Variants in RIC1 observed in about 807,000 individuals in gnomAD.
RIC1 encodes the protein guanine nucleotide exchange factor subunit RIC1.
RIC1 carries 88 observed loss-of-function variants against 169.0 expected under a neutral mutation model. That is an observed-to-expected ratio of 0.52 (90% CI 0.44 to 0.62). The LOEUF is 0.62. Ranked by LOEUF, RIC1 falls within the 20% of genes least tolerant of loss-of-function variation. RIC1 has a pLI of 0.00. For synonymous variants in RIC1, 790 were observed against 601.5 expected, an observed-to-expected ratio of 1.31 and a Z score of -4.59; for missense variants, 1,877 against 1,725.5, an observed-to-expected ratio of 1.09 and a Z score of -1.56.
At position 5,756,218 on chromosome 9, in the gene RIC1, G is replaced by C; in HGVS notation, c.1699G>C (p.Val567Leu). ...TCATTTTTGTTTTCTTCAGCTTAGA[G>C]TATACTTGCGAACATCAAATCTGGA... is the stretch of plus-strand genomic sequence containing the variant. Reference protein sequence around the residue: ...NINDRQEELRVYLRTSNLDNA... With the variant: ...NINDRQEELRLYLRTSNLDNA... Residue 567 changes from valine to leucine, a missense_variant, in exon 16 of 26, where the codon GTA becomes CTA. Physicochemically the swap from Val to Leu is conservative, Grantham distance 32. Around this residue, in one of 3 missense-constraint regions of RIC1, gnomAD observed 1,104 missense variants for 992.0 expected, o/e 1.11. Transcript: ENST00000414202. The C allele has an allele frequency of 1.9e-6, 3 of 1,563,412 alleles. No homozygotes were observed. Among genetic ancestry groups the C allele is most frequent in the Non-Finnish European group, 2.6e-6 (3 of 1,149,426 alleles).
intron 3 of RIC1, among the ~76,000 whole-genome samples, chr9:5,699,924 C>G (rs999502960): frequency 3.3e-5 from 5 of 152,040 alleles, no homozygotes; most frequent in African/African-American, 4.8e-5. Flanking sequence ...ATGTGTAAAC[C>G]TCTTGGCTTT....
At chr9:5,718,109 C>T (rs569288243) in intron 4 of RIC1, among the ~76,000 whole-genome samples, 32 of 112,544 alleles carry the variant, frequency 2.8e-4, no homozygotes, top group Middle Eastern at 0.01. Context: ...CACTGCACTC[C>T]AGCTTGGGCA....
intron 1 of RIC1, among the ~76,000 whole-genome samples, chr9:5,650,082 C>G (rs1818718341): frequency 1.3e-5 from 2 of 152,146 alleles, no homozygotes; most frequent in Non-Finnish European, 2.9e-5. Context: ...CAGCAGCAGA[C>G]TGTGTGCCTG....
chr9:5,757,314 C>T lies in RIC1; in HGVS notation c.1855C>T (p.Pro619Ser). 6.2e-7 allele frequency: 1 copy of T among 1,613,816 alleles called. No homozygotes were observed. Residue 619 changes from proline to serine, a missense_variant and splice_region_variant, in exon 17 of 26, where the codon CCA becomes TCA. By Grantham distance (74) the Pro-to-Ser change is moderately conservative. Coordinates refer to ENST00000414202, the MANE Select transcript of RIC1 (RefSeq NM_020829.4). ...TGTGGGTTTCTTTTGTTTTTACAGT[C>T]CAAATACTACTGCTGGTATTCAAGT... Reference protein sequence around the residue: ...LYSIERKSDGPNTTAGIQVLQ... With the variant: ...LYSIERKSDGSNTTAGIQVLQ...
intron 3 of RIC1, among the ~76,000 whole-genome samples, chr9:5,695,571 CTTT>C (rs539521445): frequency 5.4e-4 from 70 of 128,708 alleles, no homozygotes; most frequent in South Asian, 1.6e-3. Context: ...ATTATTATAT[CTTT>C]TTTTTTTTTT....
rs752907181 is a variant in RIC1 at position 5,772,924 on chromosome 9, G to A, written c.3827G>A (p.Cys1276Tyr). The change falls in exon 25 of 26, where the codon TGC (cysteine) becomes TAC (tyrosine). Residue 1276 changes from cysteine to tyrosine, a missense_variant. Physicochemically the swap from Cys to Tyr is radical, Grantham distance 194. Coordinates refer to ENST00000414202, the MANE Select transcript of RIC1 (RefSeq NM_020829.4). ...CTACACATTTTCATGGAGGCAGGGT[G>A]CCTAGACTGGTGCATCGTTATAGGC... ...YLLHIFMEAG[C>Y]LDWCIVIGLI... 5.6e-6 allele frequency: 9 copies of A among 1,613,468 alleles called. No homozygotes were observed. The highest frequency in any genetic ancestry group is 1.7e-4 in the Middle Eastern group (1 of 6,058).
intron 1 of RIC1, among the ~76,000 whole-genome samples, chr9:5,646,683 G>A (rs1302118774): frequency 6.6e-6 from 1 of 152,092 alleles, no homozygotes; most frequent in Non-Finnish European, 1.5e-5. Context: ...TGACAAAATT[G>A]CCTAGTGATG....
At chr9:5,696,911 T>C (rs1821938238) in intron 3 of RIC1, among the ~76,000 whole-genome samples, 1 of 152,210 alleles carries the variant, frequency 6.6e-6, no homozygotes, top group African/African-American at 2.4e-5. Flanking sequence ...GTATGTCTTT[T>C]AGGATGGATT....
chr9:5,681,376 T>C (rs930955923), intron 2 of RIC1, among the ~76,000 whole-genome samples: 7 of 152,214 alleles, frequency 4.6e-5, no homozygotes, highest in African/African-American at 1.7e-4. Context: ...TTGTTCTCGT[T>C]GGTTTCAAAG....
intron 6 of RIC1, among the ~76,000 whole-genome samples, chr9:5,731,312 C>G (rs559328426): frequency 1.3e-5 from 2 of 152,020 alleles, no homozygotes; most frequent in Non-Finnish European, 2.9e-5. Context: ...AAATAATGCT[C>G]ACTGCTGTCT....
At chr9:5,705,712 C>T (rs1822545770) in intron 3 of RIC1, among the ~76,000 whole-genome samples, 2 of 152,242 alleles carry the variant, frequency 1.3e-5, no homozygotes, top group Admixed American at 6.5e-5. Flanking sequence ...CATGCATGAT[C>T]GTAGCGGGAA....
At chr9:5,749,530 A>T (rs1825596494) in intron 12 of RIC1, among the ~76,000 whole-genome samples, 1 of 152,078 alleles carries the variant, frequency 6.6e-6, no homozygotes, top group Non-Finnish European at 1.5e-5. Context: ...TGCGTGATTT[A>T]TTCGTTGTAT....
intron 2 of RIC1, among the ~76,000 whole-genome samples, chr9:5,659,854 A>G (rs1051321823): frequency 1.3e-5 from 2 of 152,162 alleles, no homozygotes; most frequent in African/African-American, 4.8e-5. Flanking sequence ...TTTCCAACTT[A>G]ACTTCAGGGT....
Position 5,763,081 on chromosome 9 carries a change from A to T in RIC1, c.2113-59A>T. On this transcript the variant is annotated intron_variant, in intron 18 of 25. Transcript: ENST00000414202. This position sits in a 1 kb window ranked among gnomAD's most constrained non-coding sequence, Gnocchi z 5.2. The stretch of plus-strand genomic sequence containing the variant: ...AGACTTAGTAAACTAGTACCTAGGA[A>T]CTTAAGAACCTGCAGATTTAATAGG... The T allele has an allele frequency of 6.4e-7, 1 of 1,560,812 alleles. No individual in the cohort carries two copies. Among genetic ancestry groups the T allele is most frequent in the Non-Finnish European group, 8.7e-7 (1 of 1,155,156 alleles).
rs142025634 is a variant in RIC1 at position 5,763,343 on chromosome 9, C to T, written c.2316C>T (p.Phe772=). ...SFLSQRIMLP[F]HINIYPLAVL... is the part of the protein sequence containing the mutation. The stretch of plus-strand genomic sequence containing the variant: ...TGTCCCAGCGGATCATGCTGCCTTT[C>T]CACATCAACATTTACCCGCTAGCTG... The change falls in exon 19 of 26, where the codon TTC becomes TTT. Residue 772 remains phenylalanine, a synonymous_variant. Transcript: ENST00000414202. The surrounding 1 kb of genome is among the most constrained non-coding windows in gnomAD (Gnocchi z 5.2). 183 of 1,614,066 alleles carry T rather than the reference C, an allele frequency of 1.1e-4. No individual in the cohort carries two copies. Among genetic ancestry groups the T allele is most frequent in the Non-Finnish European group, 1.5e-4 (178 of 1,180,030 alleles).
chr9:5,724,044 T>C (rs1284517135), intron 6 of RIC1, among the ~76,000 whole-genome samples: 1 of 152,088 alleles, frequency 6.6e-6, no homozygotes, highest in Non-Finnish European at 1.5e-5. Flanking sequence ...CAATGCAGGC[T>C]GTTTTTTGGT....
At position 5,635,042 on chromosome 9, in the gene RIC1, C is replaced by T. The variant is rs561788750; in HGVS notation, c.144+5589C>T. On this transcript the variant is annotated intron_variant, in intron 1 of 25. Coordinates refer to ENST00000414202, the MANE Select transcript of RIC1 (RefSeq NM_020829.4). Reference sequence around the variant, plus strand: ...GGTCTCACTCTGTCACTCTGGAGTACAGAGTCATGATCATGGCTTACTGCA... The same window carrying T: ...GGTCTCACTCTGTCACTCTGGAGTATAGAGTCATGATCATGGCTTACTGCA... Among the ~76,000 whole-genome samples, 6 of 152,262 alleles carry T rather than the reference C, an allele frequency of 3.9e-5. No individual in the cohort carries two copies. The South Asian group carries it at 6.2e-4, about 16-fold the overall frequency.
At chr9:5,765,363 T>C (rs773453955) in intron 19 of RIC1, 51 bp from the exon 20 acceptor site, 1 of 1,560,932 alleles carries the variant, frequency 6.4e-7, no homozygotes, top group East Asian at 2.3e-5. Context: ...TGCTCATATC[T>C]TCCCAAATTG....
rs1256450224 is a variant in RIC1, at chr9:5,772,622, T to G, written c.3675T>G (p.Asp1225Glu). 3.1e-6 allele frequency: 5 copies of G among 1,613,884 alleles called. No individual in the cohort carries two copies. Among genetic ancestry groups the G allele is most frequent in the Non-Finnish European group, 4.2e-6 (5 of 1,179,908 alleles). The change falls in exon 24 of 26, where the codon GAT becomes GAG. Residue 1225 changes from aspartate (D) to glutamate (E), a missense_variant. Coordinates refer to ENST00000414202, the MANE Select transcript of RIC1 (RefSeq NM_020829.4). ...TGACTGAAAGTAGCTCCATGGTGGATGGCGACTGGACAATGGTGGATGAAA... is the reference window on the plus strand; with the variant it reads ...TGACTGAAAGTAGCTCCATGGTGGAGGGCGACTGGACAATGGTGGATGAAA... ...TDLTESSSMV[D>E]GDWTMVDENF...
Sources: allele counts gnomAD v4.1 joint callset (sites outside exome capture counted in the v4.1 genomes callset), GRCh38; gene constraint gnomAD v4.1.1; regional missense constraint gnomAD v4.1.1; non-coding constraint Gnocchi (gnomAD v3.1); transcripts MANE v1.5; gene names NCBI Gene and HGNC (gene_info 2026-07-23, HGNC 2026-07-21).